The following PKP4 variants were observed in gnomAD, a reference collection of about 807,000 sequenced individuals.
PKP4 encodes plakophilin 4, also known as plakophilin-4.
Under a neutral mutation model 145.1 loss-of-function variants are expected in PKP4, and 90 were observed. The observed-to-expected ratio is 0.62, with a 90% CI of 0.52 to 0.74. The LOEUF is 0.74. PKP4 is among the 30% of genes least tolerant of loss of function. The probability of loss-of-function intolerance (pLI) is 0.00; values close to 1 mark genes in which losing one functional copy is unlikely to be tolerated. For missense variants in PKP4, 1,340 were observed against 1,482.7 expected (o/e 0.90, Z 1.58); for synonymous variants, 563 against 577.2 (o/e 0.98, Z 0.35).
At chr2:158,581,535 C>T (rs549078927) in intron 3 of PKP4, among the ~76,000 whole-genome samples, 9 of 152,302 alleles carry the variant, frequency 5.9e-5, no homozygotes, top group South Asian at 2.1e-4. Flanking sequence ...TGAAGAAGGA[C>T]GTGGCAGTGG....
intron 2 of PKP4, among the ~76,000 whole-genome samples, chr2:158,569,364 T>A (rs2047244661): frequency 1.3e-5 from 2 of 152,316 alleles, no homozygotes; most frequent in South Asian, 4.1e-4. Flanking sequence ...AGCTGTATGT[T>A]GCACTTTTCT....
At chr2:158,586,264 TCTAGACATTCTTAA>T (rs533097231) in intron 3 of PKP4, among the ~76,000 whole-genome samples, 79 of 152,312 alleles carry the variant, frequency 5.2e-4, no homozygotes, top group Admixed American at 2.4e-3. Context: ...AGAGCTTTGC[TCTAGACATTCTTAA>T]GTTGGGAGAG....
chr2:158,666,666 A>C (rs1472542582), intron 16 of PKP4, 103 bp downstream of exon 16: 1 of 958,914 alleles, frequency 1.0e-6, no homozygotes, highest in Non-Finnish European at 1.5e-6. Context: ...AATCATTAAC[A>C]GCTGAGCCCT....
At chr2:158,480,290 G>A (rs1279781088) in intron 1 of PKP4, among the ~76,000 whole-genome samples, 3 of 152,168 alleles carry the variant, frequency 2.0e-5, no homozygotes, top group Non-Finnish European at 2.9e-5. Context: ...AGGCTGGAGT[G>A]CAATAGTGCG....
chr2:158,557,474 A>C (rs1031461552), intron 2 of PKP4, among the ~76,000 whole-genome samples: 1 of 152,208 alleles, frequency 6.6e-6, no homozygotes, highest in Non-Finnish European at 1.5e-5. Context: ...GACTAAAGTC[A>C]TCCTAGCAGC....
chr2:158,672,373 T>C (rs1367717871), intron 17 of PKP4, among the ~76,000 whole-genome samples: 1 of 152,222 alleles, frequency 6.6e-6, no homozygotes, highest in East Asian at 1.9e-4. Context: ...TGTCTGAAAA[T>C]ATGTAGTCTG....
chr2:158,596,127 A>C (rs764976241), intron 3 of PKP4, among the ~76,000 whole-genome samples: 12 of 151,972 alleles, frequency 7.9e-5, no homozygotes, highest in Non-Finnish European at 1.6e-4. Flanking sequence ...AAGCCTATAC[A>C]TTTGCTAATG....
At chr2:158,538,491 A>G (rs2044248150) in intron 2 of PKP4, among the ~76,000 whole-genome samples, 1 of 146,244 alleles carries the variant, frequency 6.8e-6, no homozygotes, top group East Asian at 2.0e-4. Flanking sequence ...AATAATTGAG[A>G]TCTCTATTTG....
At chr2:158,500,075 A>T (rs540272260) in intron 1 of PKP4, among the ~76,000 whole-genome samples, 78 of 152,378 alleles carry the variant, frequency 5.1e-4, no homozygotes, top group African/African-American at 1.8e-3. Context: ...TATGGACAGT[A>T]TATAAGGTAA....
chr2:158,600,780 G>A (rs1253074761), intron 3 of PKP4, among the ~76,000 whole-genome samples: 3 of 152,028 alleles, frequency 2.0e-5, no homozygotes, highest in Non-Finnish European at 4.4e-5. Context: ...AGTATACCAT[G>A]GAACTATTTA....
Position 158,621,259 on chromosome 2 carries a change from A to G in PKP4, c.441A>G (p.Thr147=). ...EGSLGNSRSS[T]QMNSYSDSGY... is the part of the protein sequence containing the mutation. The stretch of plus-strand genomic sequence containing the variant: ...CATTGGGTAACTCAAGAAGTTCAAC[A>G]CAAATGAATTCTTATTCCGACAGTG... The change falls in exon 6 of 22, where the codon ACA becomes ACG. Residue 147 remains threonine (T), a synonymous_variant. Transcript: ENST00000389759. The G allele has an allele frequency of 1.9e-6, 3 of 1,614,236 alleles. No homozygotes were observed. Among genetic ancestry groups the G allele is most frequent in the Non-Finnish European group, 2.5e-6 (3 of 1,180,034 alleles).
At chr2:158,593,185 C>G (rs1015335785) in intron 3 of PKP4, among the ~76,000 whole-genome samples, 22 of 152,260 alleles carry the variant, frequency 1.4e-4, no homozygotes, top group African/African-American at 5.1e-4. Flanking sequence ...ACCATGGACA[C>G]AAATAGTTCC....
chr2:158,555,242 G>T (rs772319561), intron 2 of PKP4, among the ~76,000 whole-genome samples: 1 of 152,132 alleles, frequency 6.6e-6, no homozygotes, highest in Non-Finnish European at 1.5e-5. Flanking sequence ...TGTTCAGTCC[G>T]TTCTTTTTCT....
chr2:158,501,396 A>T (rs550695368), intron 1 of PKP4, among the ~76,000 whole-genome samples: 10 of 152,334 alleles, frequency 6.6e-5, no homozygotes, highest in Middle Eastern at 3.4e-3. Context: ...AGGTTGGTTT[A>T]TATGTGTCTG....
intron 1 of PKP4, among the ~76,000 whole-genome samples, chr2:158,484,525 A>C (rs1272895653): frequency 5.9e-5 from 9 of 152,146 alleles, no homozygotes; most frequent in Non-Finnish European, 7.3e-5. Flanking sequence ...TATTCTTAGG[A>C]AGTATTTCTC....
At chr2:158,665,773 A>G (rs1019596011) in intron 15 of PKP4, 1 of 152,232 alleles carries the variant, frequency 6.6e-6, no homozygotes, top group Non-Finnish European at 1.5e-5. Context: ...TTTCTTGACT[A>G]TGGATTTTTA....
intron 2 of PKP4, among the ~76,000 whole-genome samples, chr2:158,542,012 C>A (rs2044566237): frequency 6.6e-6 from 1 of 152,130 alleles, no homozygotes; most frequent in Admixed American, 6.6e-5. Flanking sequence ...CTTTCCATCA[C>A]AAAGTTGACA....
At chr2:158,573,928 C>T (rs1443129750) in intron 2 of PKP4, among the ~76,000 whole-genome samples, 1 of 152,258 alleles carries the variant, frequency 6.6e-6, no homozygotes, top group African/African-American at 2.4e-5. Context: ...GCAGCCGAGA[C>T]ACCCCTGAAG....
chr2:158,526,713 C>G (rs895694165), intron 1 of PKP4, among the ~76,000 whole-genome samples: 1 of 85,742 alleles, frequency 1.2e-5, no homozygotes, highest in Non-Finnish European at 2.2e-5. Flanking sequence ...TTGCAGACGA[C>G]ATGATTGTTT....
Sources: gnomAD v4.1 joint callset for allele counts (sites outside exome capture counted in the v4.1 genomes callset) on GRCh38, gnomAD v4.1.1 for gene constraint, MANE v1.5 for transcripts, NCBI Gene and HGNC (gene_info 2026-07-23, HGNC 2026-07-21) for gene names.